Variants in ASCC2 observed in about 807,000 individuals in gnomAD.
ASCC2 encodes ASC-1 complex subunit P100.
Under a neutral mutation model 93.5 loss-of-function variants are expected in ASCC2, and 42 were observed. That is an observed-to-expected ratio of 0.45 (90% CI 0.35 to 0.58). The LOEUF (loss-of-function observed/expected upper bound fraction) is 0.58. Ranked by LOEUF, ASCC2 falls within the 20% of genes least tolerant of loss-of-function variation. The pLI is 0.00. For missense variants in ASCC2, 859 were observed against 977.6 expected (o/e 0.88, Z 1.62); for synonymous variants, 364 against 384.2 (o/e 0.95, Z 0.62).
intron 2 of ASCC2, among the ~76,000 whole-genome samples, chr22:29,827,850 TCTC>T (rs2062608976): frequency 8.9e-6 from 1 of 112,878 alleles, no homozygotes; most frequent in Non-Finnish European, 1.8e-5. Flanking sequence ...GACTACTCAT[TCTC>T]CTGACACACA....
chr22:29,831,103 C>T (rs1287218866), intron 2 of ASCC2, among the ~76,000 whole-genome samples: 1 of 152,214 alleles, frequency 6.6e-6, no homozygotes, highest in Admixed American at 6.5e-5. Flanking sequence ...CCTCAGTCCA[C>T]ACTCACTATT....
intron 5 of ASCC2, chr22:29,821,792 C>G (rs2061580592): frequency 3.1e-6 from 1 of 324,494 alleles, no homozygotes; most frequent in Non-Finnish European, 6.0e-6. Context: ...GCCAGGAGTT[C>G]AAGACCAGCT....
chr22:29,800,148 C>A (rs2058912229), intron 15 of ASCC2, among the ~76,000 whole-genome samples: 1 of 152,202 alleles, frequency 6.6e-6, no homozygotes, highest in Non-Finnish European at 1.5e-5. Context: ...TTGCTGTGCT[C>A]ACTATGGCCT....
At chr22:29,789,413 T>C (rs2068611733) in intron 19 of ASCC2, among the ~76,000 whole-genome samples, 1 of 152,156 alleles carries the variant, frequency 6.6e-6, no homozygotes, top group South Asian at 2.1e-4. Context: ...TGCTTCCAGG[T>C]CCGCCCATTG....
intron 5 of ASCC2, chr22:29,822,019 G>C: frequency 2.3e-6 from 1 of 433,346 alleles, no homozygotes; most frequent in Non-Finnish European, 4.5e-6. Context: ...TTTTGAGATG[G>C]AGTCTTGCTC....
rs1006816208 is a variant in ASCC2 at position 29,792,426 on chromosome 22, G to A, written c.2022+7C>T. ...TCCCCTTCATCTGCTACCTGCCAGG[G>A]AGGTACCTTGGGAGCCTCCTCGTCA... On this transcript the variant is annotated splice_region_variant and intron_variant, in intron 18 of 19. Coordinates refer to ENST00000307790, the MANE Select transcript of ASCC2 (RefSeq NM_032204.5). The A allele has an allele frequency of 1.9e-6, 3 of 1,613,756 alleles. No individual in the cohort carries two copies. Among genetic ancestry groups the A allele is most frequent in the African/African-American group, 2.7e-5 (2 of 75,026 alleles).
chr22:29,804,494 C>G, intron 13 of ASCC2, 144 bp downstream of exon 13: 1 of 900,458 alleles, frequency 1.1e-6, no homozygotes, highest in Non-Finnish European at 1.7e-6. Context: ...CAGAGCTGAC[C>G]AGTTGCTTGA....
rs1259159544 is a variant in ASCC2, at chr22:29,838,253, C to G, written c.-93G>C. 6 of 455,952 alleles carry G rather than the reference C, an allele frequency of 1.3e-5. No homozygotes were observed. Among genetic ancestry groups the G allele is most frequent in the Non-Finnish European group, 2.2e-5 (5 of 225,288 alleles). The allele number at this position is 455,952 out of a possible 1,614,324, so 28.2% of individuals were successfully genotyped here. A position where few individuals can be genotyped will look rare whatever the true frequency, so the allele number is the denominator to read the frequency against. ...GACCACGGTGACAGCTCCCTGAGCG[C>G]CCGCACTTCCGGGGTCAAACTGCGA... On this transcript the variant is annotated 5_prime_UTR_variant, in exon 1 of 20. Transcript: ENST00000307790.
chr22:29,811,157 G>A (rs1284233955), intron 8 of ASCC2, among the ~76,000 whole-genome samples: 1 of 152,216 alleles, frequency 6.6e-6, no homozygotes, highest in Admixed American at 6.5e-5. Flanking sequence ...GGTGCTTAAT[G>A]CACTGATGTG....
intron 1 of ASCC2, among the ~76,000 whole-genome samples, chr22:29,837,404 G>A (rs1306554196): frequency 1.3e-5 from 2 of 152,042 alleles, no homozygotes; most frequent in Admixed American, 6.6e-5. Context: ...CTGCACTCCA[G>A]CCTGGGCGAC....
At position 29,802,014 on chromosome 22, in the gene ASCC2, C is replaced by G. The variant is rs1338549450; in HGVS notation, c.1548G>C (p.Gln516His). Residue 516 changes from glutamine to histidine, a missense_variant, in exon 14 of 20, where the codon CAG becomes CAC. Gln to His is a conservative substitution (Grantham distance 24). Transcript: ENST00000307790. ...LEERLAPTLSQLDRNLDREMK... is the reference protein window; with the variant it reads ...LEERLAPTLSHLDRNLDREMK... ...CCCACCTGTCTAGGTTGCGGTCCAG[C>G]TGGCTGAGGGTGGGGGCCAGCCGCT... 6.2e-7 allele frequency: 1 copy of G among 1,602,370 alleles called. No homozygotes were observed. The highest frequency in any genetic ancestry group is 2.2e-5 in the East Asian group (1 of 44,474).
At chr22:29,798,744 CCTTA>C (rs1231324601) in intron 15 of ASCC2, among the ~76,000 whole-genome samples, 4 of 152,342 alleles carry the variant, frequency 2.6e-5, no homozygotes, top group African/African-American at 7.2e-5. Context: ...CCCACTCTGT[CCTTA>C]CTTGTTTAAT....
intron 14 of ASCC2, among the ~76,000 whole-genome samples, chr22:29,801,539 C>T (rs1302581348): frequency 6.6e-6 from 1 of 152,188 alleles, no homozygotes; most frequent in Non-Finnish European, 1.5e-5. Context: ...GGAAGAAACA[C>T]CCTTTCGGGC....
chr22:29,793,755 A>C, intron 15 of ASCC2, 79 bp from the exon 16 acceptor site: 1 of 1,312,976 alleles, frequency 7.6e-7, no homozygotes, highest in Non-Finnish European at 1.1e-6. Flanking sequence ...TCCAGAGACC[A>C]CAGGCTTAAC....
intron 7 of ASCC2, among the ~76,000 whole-genome samples, chr22:29,814,313 C>T (rs1003159010): frequency 1.3e-5 from 2 of 152,264 alleles, no homozygotes; most frequent in Admixed American, 1.3e-4. Flanking sequence ...GGGTCTGGCA[C>T]ATGCTCAGGA....
chr22:29,817,346 C>T (rs1242284437), intron 5 of ASCC2, among the ~76,000 whole-genome samples: 1 of 152,144 alleles, frequency 6.6e-6, no homozygotes, highest in Non-Finnish European at 1.5e-5. Flanking sequence ...GTCCAAACTC[C>T]TGACCATGGC....
In ASCC2 at chr22:29,806,822, A is replaced by C; in HGVS notation, c.991T>G (p.Cys331Gly). Residue 331 changes from cysteine (C) to glycine (G), a missense_variant, in exon 10 of 20, where the codon TGC becomes GGC. Physicochemically the swap from Cys to Gly is radical, Grantham distance 159. Coordinates refer to ENST00000307790, the MANE Select transcript of ASCC2 (RefSeq NM_032204.5). Reference sequence around the variant, plus strand: ...CTGCTTTCTAGGATGGGAAGGAGGCAGATCTGGTTCAGGATGATGTGGAAA... The same window carrying C: ...CTGCTTTCTAGGATGGGAAGGAGGCCGATCTGGTTCAGGATGATGTGGAAA... Reference protein sequence around the residue: ...EIFHIILNQICLLPILESSCD... With the variant: ...EIFHIILNQIGLLPILESSCD... The C allele has an allele frequency of 6.2e-7, 1 of 1,613,664 alleles. No individual in the cohort carries two copies. The highest frequency in any genetic ancestry group is 8.5e-7 in the Non-Finnish European group (1 of 1,179,522).
At chr22:29,827,853 C>T (rs2062609812) in intron 2 of ASCC2, among the ~76,000 whole-genome samples, 2 of 114,042 alleles carry the variant, frequency 1.8e-5, no homozygotes, top group South Asian at 2.8e-4. Context: ...TACTCATTCT[C>T]CTGACACACA....
intron 1 of ASCC2, among the ~76,000 whole-genome samples, chr22:29,834,984 G>T (rs1321780203): frequency 2.0e-5 from 3 of 152,168 alleles, no homozygotes; most frequent in Non-Finnish European, 4.4e-5. Flanking sequence ...ATGGCTGTGG[G>T]AGTGTTGGGT....
Sources: allele counts gnomAD v4.1 joint callset (sites outside exome capture counted in the v4.1 genomes callset), GRCh38; gene constraint gnomAD v4.1.1; transcripts MANE v1.5; gene names NCBI Gene and HGNC (gene_info 2026-07-23, HGNC 2026-07-21).